EXOC7: variants seen among roughly 807,000 people sequenced by gnomAD.
EXOC7 encodes exocyst complex component 7, also known as exocyst complex component Exo70.
EXOC7 carries 51 observed loss-of-function variants against 87.6 expected under a neutral mutation model. The ratio of observed to expected loss-of-function variants is 0.58; its 90% CI spans 0.46 to 0.73. The LOEUF is 0.73. Among genes scored for constraint, EXOC7 ranks in the 30% least tolerant of loss-of-function variants. The probability of loss-of-function intolerance (pLI) is 0.00; values close to 1 mark genes in which losing one functional copy is unlikely to be tolerated. For missense variants in EXOC7, 744 were observed against 888.4 expected (o/e 0.84, Z 2.07); for synonymous variants, 327 against 357.1 (o/e 0.92, Z 0.95).
chr17:76,101,444 T>TG, intron 3 of EXOC7, 68 bp from the exon 4 acceptor site: 1 of 1,573,568 alleles, frequency 6.4e-7, no homozygotes, highest in Non-Finnish European at 8.6e-7. Context: ...ACACAGTATT[T>TG]GGGAAAAAGA....
intron 7 of EXOC7, chr17:76,090,177 C>T (rs1203285041): frequency 3.4e-6 from 3 of 875,270 alleles, no homozygotes; most frequent in Non-Finnish European, 5.1e-6. Context: ...GAGACCTAGG[C>T]CCAAAAGAGA....
intron 6 of EXOC7, chr17:76,092,301 T>G (rs1261557963): frequency 6.8e-6 from 1 of 148,114 alleles, no homozygotes; most frequent in Non-Finnish European, 1.5e-5. Context: ...GTTTTTTTTT[T>G]TTTTTTTTTT....
At chr17:76,090,205 C>T (rs1166431976) in intron 7 of EXOC7, 14 of 1,075,378 alleles carry the variant, frequency 1.3e-5, no homozygotes, top group Admixed American at 2.7e-5. Flanking sequence ...GAGAGAGAGG[C>T]GCATAGGCCT....
rs985567246 is a variant in EXOC7 at position 76,096,094 on chromosome 17, C to T, written c.641-1513G>A. Among the ~76,000 whole-genome samples, 13 of 152,184 alleles carry T rather than the reference C, an allele frequency of 8.5e-5. No homozygotes were observed. In the East Asian group the frequency reaches 1.3e-3, roughly 16 times the overall value. ...GCTGTCATCAGCTCACGAGCCACAA[C>T]GTGTTCATGTGATCAGATACATCGC... On this transcript the variant is annotated intron_variant, in intron 5 of 18. Transcript: ENST00000589210.
In EXOC7 at chr17:76,082,388, C is replaced by T. The variant is rs985378197; in HGVS notation, c.*1260G>A. 6.3e-6 allele frequency: 9 copies of T among 1,434,710 alleles called. No homozygotes were observed. Among genetic ancestry groups the T allele is most frequent in the African/African-American group, 4.3e-5 (3 of 70,230 alleles). The allele number at this position is 1,434,710 out of a possible 1,614,324, so 88.9% of individuals were successfully genotyped here. On this transcript the variant is annotated 3_prime_UTR_variant, in exon 19 of 19. Transcript: ENST00000589210. ...AAAGGAAGCGATACAGGCTGATGACCCCTGGGGTTCGCTCTTCCGCTCATG... is the reference window on the plus strand; with the variant it reads ...AAAGGAAGCGATACAGGCTGATGACTCCTGGGGTTCGCTCTTCCGCTCATG...
At chr17:76,086,726 G>C in intron 12 of EXOC7, 1 of 752,448 alleles carries the variant, frequency 1.3e-6, no homozygotes, top group East Asian at 2.8e-5. Context: ...AGAGTTGAGA[G>C]CACCCCGAGA....
chr17:76,084,725 T>C (rs997578960), intron 15 of EXOC7, 145 bp from the exon 16 acceptor site: 7 of 657,884 alleles, frequency 1.1e-5, no homozygotes, highest in Non-Finnish European at 1.9e-5. Flanking sequence ...ACAGGTTTTC[T>C]TCCTGGGAAG....
intron 11 of EXOC7, 144 bp from the exon 12 acceptor site, chr17:76,087,864 T>A: frequency 9.9e-7 from 1 of 1,006,472 alleles, no homozygotes; most frequent in Non-Finnish European, 1.5e-6. Flanking sequence ...ATTTTCACTC[T>A]AGCCTGCCAG....
intron 7 of EXOC7, chr17:76,089,573 G>T: frequency 1.8e-6 from 1 of 554,550 alleles, no homozygotes; most frequent in Non-Finnish European, 3.2e-6. Context: ...TCAGACACCA[G>T]AGGCAGGAGA....
intron 7 of EXOC7, chr17:76,090,750 T>C: frequency 1.8e-6 from 1 of 548,308 alleles, no homozygotes; most frequent in Non-Finnish European, 3.3e-6. Context: ...CCAGTTTGCC[T>C]GTCCTCTGCT....
At chr17:76,090,501 A>G (rs1159309490) in intron 7 of EXOC7, 3 of 1,549,310 alleles carry the variant, frequency 1.9e-6, no homozygotes, top group East Asian at 4.9e-5. Context: ...CAGGAGGGGG[A>G]CGTCAGATGG....
chr17:76,097,980 G>A lies in EXOC7; in HGVS notation c.456C>T (p.Ser152=), dbSNP rs141500911. Residue 152 remains serine, a synonymous_variant, in exon 5 of 19, where the codon TCC becomes TCT. Transcript: ENST00000589210. The part of the protein sequence containing the change: ...LFERGKEALE[S]EFRSLMTRHS... ...GCCGCGTCATCAGGCTGCGAAATTC[G>A]GACTCCAGGGCCTCCTTCCCGCGCT... 3.7e-5 allele frequency: 59 copies of A among 1,613,994 alleles called. 1 individual carries two copies. In the Middle Eastern group the frequency reaches 1.6e-3, roughly 45 times the overall value.
At position 76,084,241 on chromosome 17, in the gene EXOC7, G is replaced by C. The variant is rs118102690; in HGVS notation, c.1818+7C>G. Reference sequence around the variant, plus strand: ...CAAGCAGTGGAGGGGAGAGGACCCCGACTCACCTTAAAACGCTCCTTGATA... The same window carrying C: ...CAAGCAGTGGAGGGGAGAGGACCCCCACTCACCTTAAAACGCTCCTTGATA... On this transcript the variant is annotated splice_region_variant and intron_variant, in intron 17 of 18. Coordinates refer to ENST00000589210, the MANE Select transcript of EXOC7 (RefSeq NM_001013839.4). 1.2e-6 allele frequency: 2 copies of C among 1,611,718 alleles called. No individual in the cohort carries two copies. The highest frequency in any genetic ancestry group is 2.7e-5 in the African/African-American group (2 of 74,868).
intron 17 of EXOC7, 53 bp from the exon 18 acceptor site, chr17:76,084,192 T>A: frequency 6.2e-7 from 1 of 1,600,346 alleles, no homozygotes. Flanking sequence ...ACATTTTGGG[T>A]CTGTGTTGCC....
chr17:76,091,428 C>T (rs781598044), intron 6 of EXOC7, 193 bp from the exon 7 acceptor site: 2 of 584,152 alleles, frequency 3.4e-6, no homozygotes, highest in Non-Finnish European at 6.1e-6. Context: ...CCAAATGGAG[C>T]CTTGATTCTA....
At chr17:76,088,208 G>T in intron 10 of EXOC7, 86 bp from the exon 11 acceptor site, 2 of 1,386,516 alleles carry the variant, frequency 1.4e-6, no homozygotes, top group Non-Finnish European at 2.0e-6. Flanking sequence ...CCGCCTCCTG[G>T]CAGACGGGTG....
chr17:76,082,272 C>G lies in EXOC7; in HGVS notation c.*1376G>C, dbSNP rs1401273931. ...CAGGTGACCTCAATCCCCTGATAACCCATGCCTTGCACAGCCTAAGAGGGT... is the reference window on the plus strand; with the variant it reads ...CAGGTGACCTCAATCCCCTGATAACGCATGCCTTGCACAGCCTAAGAGGGT... On this transcript the variant is annotated 3_prime_UTR_variant, in exon 19 of 19. Transcript: ENST00000589210. 5 of 777,634 alleles carry G rather than the reference C, an allele frequency of 6.4e-6. No homozygotes were observed. The highest frequency in any genetic ancestry group is 8.0e-6 in the Non-Finnish European group (4 of 501,104). 48.2% of individuals were successfully genotyped at this position (777,634 alleles called of 1,614,324 possible).
Position 76,081,275 on chromosome 17 carries a change from C to A in EXOC7, c.*2373G>T. 1.2e-6 allele frequency: 2 copies of A among 1,613,590 alleles called. No individual in the cohort carries two copies. Among genetic ancestry groups the A allele is most frequent in the Middle Eastern group, 1.7e-4 (1 of 5,740 alleles). On this transcript the variant is annotated 3_prime_UTR_variant, in exon 19 of 19. Coordinates refer to ENST00000589210, the MANE Select transcript of EXOC7 (RefSeq NM_001013839.4). ...GTTCATAGTTCTCATTCCCACCCCT[C>A]AGCGATGGAGTTAGAGTTCCAGGCC...
chr17:76,102,707 T>G (rs1461826440), intron 2 of EXOC7, among the ~76,000 whole-genome samples: 1 of 152,242 alleles, frequency 6.6e-6, no homozygotes, highest in Non-Finnish European at 1.5e-5. Flanking sequence ...CACTTTGTGC[T>G]TTTCCAGTCT....
Sources: allele counts gnomAD v4.1 joint callset (sites outside exome capture counted in the v4.1 genomes callset), GRCh38; gene constraint gnomAD v4.1.1; transcripts MANE v1.5; gene names NCBI Gene and HGNC (gene_info 2026-07-23, HGNC 2026-07-21).